PYY: variants seen among roughly 807,000 people sequenced by gnomAD.
PYY encodes peptide tyrosine tyrosine.
In PYY, 12 loss-of-function variants were observed where a neutral mutation model predicts 10.3. That is an observed-to-expected ratio of 1.17 (90% confidence interval 0.75 to 1.89). The LOEUF (loss-of-function observed/expected upper bound fraction) is 1.89, where lower values mean the gene tolerates loss of function less well. Ranked by LOEUF, PYY falls within the 40% of genes most tolerant of loss-of-function variation. PYY has a pLI of 0.00. For synonymous variants in PYY, 66 were observed against 62.0 expected (o/e 1.06, Z -0.30); for missense variants, 141 against 134.0 (o/e 1.05, Z -0.26).
At chr17:43,982,485 C>T (rs1407818786) in intron 1 of PYY, among the ~76,000 whole-genome samples, 1 of 152,246 alleles carries the variant, frequency 6.6e-6, no homozygotes, top group East Asian at 1.9e-4. Flanking sequence ...ATGTGATGCT[C>T]TTGTGCAGTG....
chr17:44,003,584 G>A (rs1237264029), intron 1 of PYY, among the ~76,000 whole-genome samples: 1 of 150,080 alleles, frequency 6.7e-6, no homozygotes, highest in Non-Finnish European at 1.5e-5. Context: ...GAACCCAGAA[G>A]GCGGGGATTA....
chr17:43,963,606 G>GAAAGAAAGAA (rs2048731942), intron 2 of PYY, among the ~76,000 whole-genome samples: 1 of 89,912 alleles, frequency 1.1e-5, no homozygotes, highest in Admixed American at 1.1e-4. Flanking sequence ...AAGAAAGAAA[G>GAAAGAAAGAA]AAAGAAAGAA....
chr17:43,989,237 G>A (rs2048936205), intron 1 of PYY, among the ~76,000 whole-genome samples: 2 of 152,040 alleles, frequency 1.3e-5, no homozygotes, highest in Admixed American at 6.5e-5. Flanking sequence ...AGCCGGGCGT[G>A]GTGGCGGGCG....
chr17:43,985,879 A>C (rs1238975940), intron 1 of PYY, among the ~76,000 whole-genome samples: 1 of 152,214 alleles, frequency 6.6e-6, no homozygotes, highest in African/African-American at 2.4e-5. Context: ...AGCAGAATAC[A>C]AAAAAATACC....
At chr17:43,960,324 C>G (rs1307601983) in intron 2 of PYY, among the ~76,000 whole-genome samples, 1 of 151,828 alleles carries the variant, frequency 6.6e-6, no homozygotes, top group Non-Finnish European at 1.5e-5. Context: ...GGGTGGGTCA[C>G]CTGAGATCAG....
intron 1 of PYY, among the ~76,000 whole-genome samples, chr17:43,975,463 T>G (rs2048822093): frequency 6.6e-6 from 1 of 151,992 alleles, no homozygotes. Flanking sequence ...ATCCTAGCAC[T>G]TTGAGAGGCC....
chr17:43,970,238 T>C (rs989290067), intron 1 of PYY, among the ~76,000 whole-genome samples: 1 of 128,996 alleles, frequency 7.8e-6, no homozygotes, highest in African/African-American at 2.8e-5. Flanking sequence ...CTGGGGAAGG[T>C]GGCTCATGCC....
At chr17:43,976,398 TATATACATATTCATGTATACATATAC>T (rs201158901) in intron 1 of PYY, among the ~76,000 whole-genome samples, 17,333 of 146,872 alleles carry the variant, frequency 0.12, 2,234 homozygotes, top group East Asian at 0.61. Context: ...TACATATACG[TATATACATATTCATGTATACATATAC>T]ATATATACAC....
intron 1 of PYY, among the ~76,000 whole-genome samples, chr17:44,004,210 C>G (rs1000481193): frequency 1.3e-5 from 2 of 151,714 alleles, no homozygotes; most frequent in Non-Finnish European, 2.9e-5. Context: ...ACAGGACAGA[C>G]AAGGCCAGCA....
chr17:43,990,064 C>G (rs1457724315), intron 1 of PYY, among the ~76,000 whole-genome samples: 1 of 151,396 alleles, frequency 6.6e-6, no homozygotes, highest in Non-Finnish European at 1.5e-5. Flanking sequence ...ATCAAGCTCA[C>G]AGATGGCAAG....
At chr17:43,983,685 C>T (rs1254131704) in intron 1 of PYY, among the ~76,000 whole-genome samples, 2 of 152,232 alleles carry the variant, frequency 1.3e-5, no homozygotes, top group Non-Finnish European at 2.9e-5. Flanking sequence ...CCAACGCTCC[C>T]CGGGGCCGGG....
intron 1 of PYY, among the ~76,000 whole-genome samples, chr17:43,980,593 C>T (rs954378677): frequency 6.6e-5 from 10 of 151,912 alleles, no homozygotes; most frequent in African/African-American, 2.4e-4. Context: ...TCTGCCTTAG[C>T]CTCCGGAGTA....
intron 1 of PYY, among the ~76,000 whole-genome samples, chr17:43,991,948 G>A (rs533878743): frequency 4.6e-5 from 7 of 151,860 alleles, no homozygotes; most frequent in South Asian, 2.1e-4. Context: ...GTGAAACCCC[G>A]TCTGTACTAA....
chr17:43,976,632 C>G (rs955781476), intron 1 of PYY, among the ~76,000 whole-genome samples: 1 of 151,888 alleles, frequency 6.6e-6, no homozygotes, highest in African/African-American at 2.4e-5. Context: ...ATTAGCTGGG[C>G]GTGGTGGCGC....
At chr17:43,961,066 T>TA (rs1380213490) in intron 2 of PYY, among the ~76,000 whole-genome samples, 1 of 151,386 alleles carries the variant, frequency 6.6e-6, no homozygotes, top group Non-Finnish European at 1.5e-5. Flanking sequence ...ACCCAAACAA[T>TA]AAAAAATAAA....
intron 1 of PYY, among the ~76,000 whole-genome samples, chr17:43,980,665 G>C (rs1461704665): frequency 6.6e-6 from 1 of 151,368 alleles, no homozygotes; most frequent in South Asian, 2.1e-4. Context: ...ATAGAAACAG[G>C]GTTTCACCAT....
intron 2 of PYY, among the ~76,000 whole-genome samples, chr17:43,963,575 AAAG>A (rs1275023301): frequency 4.7e-4 from 25 of 53,638 alleles, no homozygotes; most frequent in Non-Finnish European, 7.1e-4. Context: ...GAAGGAAAAG[AAAG>A]AAAGAAAGAA....
rs375213471 is a variant in PYY at position 43,973,439 on chromosome 17, T to C, written c.-462-6907A>G. ...TACCAGAAGGGGCTGTGTGAGCCCC[T>C]TGAGGCATTCATCCAGCGCTGTTTT... is the stretch of plus-strand genomic sequence containing the variant. On this transcript the variant is annotated intron_variant, in intron 1 of 6. Coordinates refer to the PYY transcript ENST00000360085. Among the ~76,000 whole-genome samples, 162 of 152,356 alleles carry C rather than the reference T, an allele frequency of 1.1e-3. 4 individuals carry two copies. In the South Asian group the frequency reaches 0.024, roughly 22 times the overall value.
intron 1 of PYY, among the ~76,000 whole-genome samples, chr17:43,969,231 C>T (rs1199309494): frequency 6.6e-6 from 1 of 150,550 alleles, no homozygotes; most frequent in Non-Finnish European, 1.5e-5. Flanking sequence ...AAATCAATCA[C>T]TTGGCCAGGT....
Sources: allele counts gnomAD v4.1 joint callset (sites outside exome capture counted in the v4.1 genomes callset), GRCh38; gene constraint gnomAD v4.1.1; transcripts MANE v1.5; gene names NCBI Gene and HGNC (gene_info 2026-07-23, HGNC 2026-07-21).